Variants in PPM1L observed in about 807,000 individuals in gnomAD.
The protein encoded by PPM1L is protein phosphatase, Mg2+/Mn2+ dependent 1L.
PPM1L carries 13 observed loss-of-function variants against 31.4 expected under a neutral mutation model. That is an observed-to-expected ratio of 0.41 (90% confidence interval 0.27 to 0.66). The LOEUF is 0.66. Among genes scored for constraint, PPM1L ranks in the 30% least tolerant of loss-of-function variants. The pLI is 0.29. For missense variants in PPM1L, 326 were observed against 453.7 expected, an observed-to-expected ratio of 0.72 and a Z score of 2.56; for synonymous variants, 184 against 175.4, an observed-to-expected ratio of 1.05 and a Z score of -0.39.
chr3:161,012,169 C>T (rs945056692), intron 2 of PPM1L, among the ~76,000 whole-genome samples: 16 of 152,032 alleles, frequency 1.1e-4, no homozygotes, highest in African/African-American at 3.9e-4. Flanking sequence ...ATAGATAGCT[C>T]TTATTATTTT....
In PPM1L at chr3:160,928,266, G is replaced by A. The variant is rs76153691; in HGVS notation, c.400-33470G>A. Among the ~76,000 whole-genome samples the A allele has an allele frequency of 4.4e-3, 672 of 152,322 alleles. 28 individuals are homozygous for A. The East Asian group carries it at 0.097, about 22-fold the overall frequency. ...TGTAAAATTGTGGGGTGGGGTTCAA[G>A]TATTTAATCTGCCTAGCACCCTTCT... On this transcript the variant is annotated intron_variant, in intron 1 of 3. Transcript: ENST00000498165.
chr3:160,910,560 C>G (rs1469443079), intron 1 of PPM1L, among the ~76,000 whole-genome samples: 3 of 152,168 alleles, frequency 2.0e-5, no homozygotes, highest in South Asian at 2.1e-4. Flanking sequence ...ATCAGCCCAC[C>G]TCGGCCTCCC....
chr3:160,944,904 TAC>T lies in PPM1L; in HGVS notation c.400-16830_400-16829del, dbSNP rs1401313953. Among the ~76,000 whole-genome samples the T allele has an allele frequency of 8.8e-3, 868 of 98,086 alleles. 24 individuals carry two copies. Among genetic ancestry groups the T allele is most frequent in the Middle Eastern group, 0.016 (2 of 126 alleles). The allele number at this position is 98,086 out of a possible 152,430, so 64.3% of individuals were successfully genotyped here. A position where few individuals can be genotyped will look rare whatever the true frequency, so the allele number is the denominator to read the frequency against. On this transcript the variant is annotated intron_variant, in intron 1 of 3. Coordinates refer to ENST00000498165, the MANE Select transcript of PPM1L (RefSeq NM_139245.4). ...CATATATATTATATATAACTGATGT[TAC>T]ATATATAATATATAGTGGAGATATA...
At chr3:160,810,986 C>T (rs1298718241) in intron 1 of PPM1L, among the ~76,000 whole-genome samples, 2 of 152,100 alleles carry the variant, frequency 1.3e-5, no homozygotes, top group African/African-American at 2.4e-5. Context: ...ACTGAAAGAG[C>T]CCATGGTCAG....
chr3:160,991,370 AAGATGGTGATGGTGT>A (rs1717129584), intron 2 of PPM1L, among the ~76,000 whole-genome samples: 1 of 152,194 alleles, frequency 6.6e-6, no homozygotes, highest in African/African-American at 2.4e-5. Flanking sequence ...AGGAAAAAGA[AAGATGGTGATGGTGT>A]AGTTATAGCA....
intron 1 of PPM1L, among the ~76,000 whole-genome samples, chr3:160,796,678 A>G (rs1316083395): frequency 2.6e-5 from 4 of 152,226 alleles, no homozygotes; most frequent in East Asian, 1.9e-4. Flanking sequence ...AAGGATCTGC[A>G]TTTAAATTTG....
At chr3:161,022,155 T>C in intron 2 of PPM1L, 1 of 683,398 alleles carries the variant, frequency 1.5e-6, no homozygotes. Context: ...TTACCCTTAG[T>C]TACTTTTTGA....
intron 1 of PPM1L, among the ~76,000 whole-genome samples, chr3:160,907,604 A>G (rs1472934961): frequency 6.6e-6 from 1 of 152,200 alleles, no homozygotes; most frequent in African/African-American, 2.4e-5. Context: ...ATCATAAACT[A>G]TCTAGCCAAA....
intron 2 of PPM1L, among the ~76,000 whole-genome samples, chr3:160,963,049 G>A (rs1239623604): frequency 6.6e-6 from 1 of 150,598 alleles, no homozygotes; most frequent in Non-Finnish European, 1.5e-5. Context: ...TCTTCTCATT[G>A]GAATTCTTAT....
intron 1 of PPM1L, among the ~76,000 whole-genome samples, chr3:160,764,458 TCC>T (rs201469356): frequency 0.018 from 2,298 of 124,942 alleles, 53 homozygotes; most frequent in African/African-American, 0.085. Flanking sequence ...ATTTTAATTC[TCC>T]CTCTCTCTCT....
intron 2 of PPM1L, among the ~76,000 whole-genome samples, chr3:160,988,081 A>G (rs999853591): frequency 2.6e-5 from 4 of 152,190 alleles, no homozygotes; most frequent in Admixed American, 2.6e-4. Flanking sequence ...TGGCAGTCAC[A>G]TGACTGCCTT....
At chr3:161,006,658 TTCAGAAAACCCAC>T (rs1196941802) in intron 2 of PPM1L, among the ~76,000 whole-genome samples, 1 of 151,704 alleles carries the variant, frequency 6.6e-6, no homozygotes, top group East Asian at 1.9e-4. Flanking sequence ...CATCAAACAC[TTCAGAAAACCCAC>T]CGTCTTTCCT....
At chr3:160,927,647 C>CGT (rs1559890575) in intron 1 of PPM1L, among the ~76,000 whole-genome samples, 1 of 151,664 alleles carries the variant, frequency 6.6e-6, no homozygotes, top group Non-Finnish European at 1.5e-5. Flanking sequence ...TGCGTGCGCG[C>CGT]GCATGCACGT....
intron 2 of PPM1L, chr3:161,022,294 G>C (rs1203558626): frequency 6.1e-6 from 3 of 489,488 alleles, no homozygotes; most frequent in African/African-American, 4.0e-5. Flanking sequence ...CATTCTCTGT[G>C]CTGTTGTCAA....
chr3:161,056,476 AC>A (rs773645073), intron 2 of PPM1L, among the ~76,000 whole-genome samples: 1 of 152,152 alleles, frequency 6.6e-6, no homozygotes, highest in Non-Finnish European at 1.5e-5. Context: ...ACTTCACCTG[AC>A]TGCAACATTT....
chr3:160,777,114 G>A (rs1327448132), intron 1 of PPM1L, among the ~76,000 whole-genome samples: 1 of 151,944 alleles, frequency 6.6e-6, no homozygotes, highest in Non-Finnish European at 1.5e-5. Context: ...CTTGAAGCCA[G>A]GAGTTCAAGA....
chr3:160,866,114 CCT>C (rs896150260), intron 1 of PPM1L, among the ~76,000 whole-genome samples: 2 of 152,092 alleles, frequency 1.3e-5, no homozygotes, highest in African/African-American at 2.4e-5. Context: ...TTTTTCTCCC[CCT>C]GTTAGACATA....
chr3:161,013,243 C>A (rs1290142207), intron 2 of PPM1L, among the ~76,000 whole-genome samples: 1 of 152,192 alleles, frequency 6.6e-6, no homozygotes, highest in Non-Finnish European at 1.5e-5. Context: ...TCATTGGTTT[C>A]AAAGAACATC....
chr3:161,007,484 G>C (rs1199799419), intron 2 of PPM1L, among the ~76,000 whole-genome samples: 2 of 152,178 alleles, frequency 1.3e-5, no homozygotes, highest in East Asian at 3.9e-4. Context: ...CGGACGGGGA[G>C]AGAAATGGAA....
Sources: allele counts gnomAD v4.1 joint callset (sites outside exome capture counted in the v4.1 genomes callset), GRCh38; gene constraint gnomAD v4.1.1; transcripts MANE v1.5; gene names NCBI Gene and HGNC (gene_info 2026-07-23, HGNC 2026-07-21).